Variants in CDH4 observed in about 807,000 individuals in gnomAD.
CDH4 encodes the protein cadherin-4.
CDH4 carries 33 observed loss-of-function variants against 86.0 expected under a neutral mutation model. That is an observed-to-expected ratio of 0.38 (90% CI 0.29 to 0.51). CDH4 has a LOEUF of 0.51. CDH4 is among the 20% of genes least tolerant of loss of function. CDH4 has a pLI of 0.86. For missense variants in CDH4, 1,114 were observed against 1,307.4 expected, an observed-to-expected ratio of 0.85 and a Z score of 2.28; for synonymous variants, 555 against 549.4, an observed-to-expected ratio of 1.01 and a Z score of -0.14.
rs1233888733 is a variant in CDH4, at chr20:61,811,764, C to T, written c.577-32904C>T. Among the ~76,000 whole-genome samples, 3 of 151,706 alleles carry T rather than the reference C, an allele frequency of 2.0e-5. No individual in the cohort carries two copies. Among genetic ancestry groups the T allele is most frequent in the African/African-American group, 7.3e-5 (3 of 41,246 alleles). Reference sequence around the variant, plus strand: ...TCCACTCACTGCAACCTCTGCCTCCCGGGTTCAAGCAATTCTCCTGCCTCA... The same window carrying T: ...TCCACTCACTGCAACCTCTGCCTCCTGGGTTCAAGCAATTCTCCTGCCTCA... On this transcript the variant is annotated intron_variant, in intron 4 of 15. Transcript: ENST00000614565. The surrounding 1 kb of genome is among the most constrained non-coding windows in gnomAD (Gnocchi z 4.4).
At chr20:61,382,541 A>G (rs2084909118) in intron 2 of CDH4, among the ~76,000 whole-genome samples, 1 of 152,210 alleles carries the variant, frequency 6.6e-6, no homozygotes, top group African/African-American at 2.4e-5. Context: ...GGCTGTTGTG[A>G]CAAATTACTA....
intron 2 of CDH4, among the ~76,000 whole-genome samples, chr20:61,685,577 G>A (rs913994877): frequency 2.0e-5 from 3 of 152,258 alleles, no homozygotes; most frequent in African/African-American, 7.2e-5. Flanking sequence ...CTTTCTGTCA[G>A]TGTCCTGATT....
intron 2 of CDH4, among the ~76,000 whole-genome samples, chr20:61,734,511 C>T (rs2145930013): frequency 6.6e-6 from 1 of 152,364 alleles, no homozygotes; most frequent in Non-Finnish European, 1.5e-5. Context: ...CTGGAGGTGC[C>T]CAGAGCCCCA....
intron 2 of CDH4, among the ~76,000 whole-genome samples, chr20:61,296,664 A>G (rs539778021): frequency 1.1e-4 from 16 of 152,174 alleles, no homozygotes; most frequent in Non-Finnish European, 1.9e-4. Context: ...TCATTTTAAA[A>G]TGTTCACCAT....
intron 13 of CDH4, among the ~76,000 whole-genome samples, chr20:61,930,760 A>G (rs1270978626): frequency 2.0e-5 from 3 of 152,230 alleles, no homozygotes; most frequent in Non-Finnish European, 4.4e-5. Flanking sequence ...AAAGCCGTTC[A>G]GTGTCGTGGG....
chr20:61,887,431 G>A (rs1296018706), intron 7 of CDH4, among the ~76,000 whole-genome samples: 1 of 152,266 alleles, frequency 6.6e-6, no homozygotes, highest in South Asian at 2.1e-4. Flanking sequence ...ATGCACATGT[G>A]GGTTTACATG....
intron 2 of CDH4, among the ~76,000 whole-genome samples, chr20:61,556,983 A>C (rs928526893): frequency 2.0e-5 from 3 of 152,146 alleles, no homozygotes; most frequent in Non-Finnish European, 4.4e-5. Context: ...ATTTAATCGA[A>C]AGAAAAGCTT....
intron 2 of CDH4, among the ~76,000 whole-genome samples, chr20:61,732,188 C>T (rs1357893876): frequency 1.3e-5 from 2 of 152,272 alleles, no homozygotes; most frequent in Admixed American, 1.3e-4. Flanking sequence ...TATGCATATG[C>T]GTTTGCCTCC....
chr20:61,496,526 A>G (rs2085664217), intron 2 of CDH4, among the ~76,000 whole-genome samples: 2 of 152,232 alleles, frequency 1.3e-5, no homozygotes, highest in South Asian at 2.1e-4. Flanking sequence ...AGACGTCAGT[A>G]TACTTCACAC....
intron 2 of CDH4, among the ~76,000 whole-genome samples, chr20:61,673,847 A>G (rs1347856121): frequency 6.6e-6 from 1 of 152,238 alleles, no homozygotes. Context: ...TCTTCTAGAC[A>G]ATATGACAAA....
chr20:61,318,361 T>A (rs1178011465), intron 2 of CDH4, among the ~76,000 whole-genome samples: 3 of 152,236 alleles, frequency 2.0e-5, no homozygotes, highest in African/African-American at 7.2e-5. Flanking sequence ...GCCTTGGGTT[T>A]TGTTTGATCC....
intron 2 of CDH4, among the ~76,000 whole-genome samples, chr20:61,418,863 C>T (rs887375650): frequency 5.9e-5 from 9 of 152,150 alleles, no homozygotes; most frequent in South Asian, 2.1e-4. Context: ...ATCCCTCTCC[C>T]GGCTTCTGGT....
intron 2 of CDH4, among the ~76,000 whole-genome samples, chr20:61,487,727 C>T (rs2085604245): frequency 6.6e-6 from 1 of 152,212 alleles, no homozygotes. Context: ...CACTACTACT[C>T]AAACAACATC....
chr20:61,386,536 G>T (rs1386026427), intron 2 of CDH4, among the ~76,000 whole-genome samples: 3 of 152,188 alleles, frequency 2.0e-5, no homozygotes, highest in South Asian at 2.1e-4. Flanking sequence ...GGGGGGCCTG[G>T]CCTTGAGGTC....
Position 61,766,656 on chromosome 20 carries a change from C to T in CDH4, c.397-6347C>T, listed in dbSNP as rs115139987. 4.0e-3 allele frequency among the ~76,000 whole-genome samples: 614 copies of T among 152,294 alleles called. 4 individuals are homozygous for T. The highest frequency in any genetic ancestry group is 0.014 in the African/African-American group (582 of 41,568). ...CAGTGGAGAGAAAAGCCATGCTCCA[C>T]GCAGCTCTGTTAACCTCGGAGCCTG... On this transcript the variant is annotated intron_variant, in intron 3 of 15. Coordinates refer to ENST00000614565, the MANE Select transcript of CDH4 (RefSeq NM_001794.5).
rs1254937167 is a variant in CDH4, at chr20:61,517,842, T to C, written c.170-225721T>C. Among the ~76,000 whole-genome samples the C allele has an allele frequency of 2.6e-5, 4 of 152,172 alleles. No individual in the cohort carries two copies. Among genetic ancestry groups the C allele is most frequent in the Non-Finnish European group, 5.9e-5 (4 of 68,032 alleles). Reference sequence around the variant, plus strand: ...ATCGTTTTAGCTGAGTTACCTCTTATTTCATTTATTCTCAGTTCCGTCCCA... The same window carrying C: ...ATCGTTTTAGCTGAGTTACCTCTTACTTCATTTATTCTCAGTTCCGTCCCA... On this transcript the variant is annotated intron_variant, in intron 2 of 15. Coordinates refer to ENST00000614565, the MANE Select transcript of CDH4 (RefSeq NM_001794.5). This position sits in a 1 kb window ranked among gnomAD's most constrained non-coding sequence, Gnocchi z 6.6.
At chr20:61,429,903 G>T (rs746222024) in intron 2 of CDH4, among the ~76,000 whole-genome samples, 13 of 152,230 alleles carry the variant, frequency 8.5e-5, no homozygotes, top group Non-Finnish European at 1.5e-4. Flanking sequence ...TCCTCTGGCT[G>T]GATCTGCAGG....
chr20:61,922,459 C>T (rs1462388361), intron 9 of CDH4, among the ~76,000 whole-genome samples: 1 of 152,188 alleles, frequency 6.6e-6, no homozygotes, highest in East Asian at 1.9e-4. Context: ...ATGCAGGGGC[C>T]AAGTGCAGCA....
intron 2 of CDH4, among the ~76,000 whole-genome samples, chr20:61,706,877 C>A (rs2087837183): frequency 6.6e-6 from 1 of 152,224 alleles, no homozygotes; most frequent in African/African-American, 2.4e-5. Context: ...ATGCCCAGAC[C>A]AGCTGAGATG....
Sources: allele counts gnomAD v4.1 joint callset (sites outside exome capture counted in the v4.1 genomes callset), GRCh38; gene constraint gnomAD v4.1.1; non-coding constraint Gnocchi (gnomAD v3.1); transcripts MANE v1.5; gene names NCBI Gene and HGNC (gene_info 2026-07-23, HGNC 2026-07-21).